The following PCDHA13 variants were observed in gnomAD, a reference collection of about 807,000 sequenced individuals.
The protein encoded by PCDHA13 is protocadherin alpha-13.
A neutral mutation model predicts 64.8 loss-of-function variants in PCDHA13; 54 were observed. The observed-to-expected ratio is 0.83, with a 90% CI of 0.67 to 1.04. The LOEUF is 1.04. Among genes scored for constraint, PCDHA13 ranks in the 50% least tolerant of loss-of-function variants. PCDHA13 has a pLI of 0.00. For missense variants in PCDHA13, 1,248 were observed against 1,254.3 expected, an observed-to-expected ratio of 0.99 and a Z score of 0.08; for synonymous variants, 587 against 564.4, an observed-to-expected ratio of 1.04 and a Z score of -0.57.
In PCDHA13 at chr5:140,982,542, A is replaced by T; in HGVS notation, c.2521A>T (p.Thr841Ser). 6.2e-7 allele frequency: 1 copy of T among 1,614,210 alleles called. No individual in the cohort carries two copies. Among genetic ancestry groups the T allele is most frequent in the Non-Finnish European group, 8.5e-7 (1 of 1,180,042 alleles). The change falls in exon 3 of 4, where the codon ACA becomes TCA. Residue 841 changes from threonine (T) to serine (S), a missense_variant. Transcript: ENST00000289272. ...AGGAGGGCCTGATCAGCAGTGGCCA[A>T]CAGTATCCAGTGCAACACCAGGTAA... is the stretch of plus-strand genomic sequence containing the variant. The part of the protein sequence containing the change: ...GPGGPDQQWP[T>S]VSSATPEPEA...
Position 140,978,948 on chromosome 5 carries a change from G to A in PCDHA13, c.2395-1G>A, listed in dbSNP as rs1554239939. On this transcript the variant is annotated splice_acceptor_variant, in intron 1 of 3. Transcript: ENST00000289272. LOFTEE classifies it high-confidence loss of function. ...AGAAAACTCTCTTTGTGATTTTGCA[G>A]CCACGACAGCCCAACCCTGACTGGC... is the stretch of plus-strand genomic sequence containing the variant. 1 of 1,614,128 alleles carries A rather than the reference G, an allele frequency of 6.2e-7. No individual in the cohort carries two copies. The highest frequency in any genetic ancestry group is 8.5e-7 in the Non-Finnish European group (1 of 1,180,018).
chr5:140,924,665 C>A (rs528625954), intron 1 of PCDHA13, among the ~76,000 whole-genome samples: 3 of 152,050 alleles, frequency 2.0e-5, no homozygotes, highest in Non-Finnish European at 4.4e-5. Flanking sequence ...GAGGCCGAGG[C>A]AGGCCAATCA....
rs1484271840 is a variant in PCDHA13 at position 140,900,260 on chromosome 5, A to G, written c.2394+15598A>G. Among the ~76,000 whole-genome samples the G allele has an allele frequency of 4.0e-5, 6 of 151,898 alleles. No homozygotes were observed. In the South Asian group the frequency reaches 1.0e-3, roughly 26 times the overall value. ...TTTTTTTATGGCTGAATAGTACTCC[A>G]TTGTGTATATGTACCACACTTTCTT... On this transcript the variant is annotated intron_variant, in intron 1 of 3. Coordinates refer to ENST00000289272, the MANE Select transcript of PCDHA13 (RefSeq NM_018904.3).
intron 1 of PCDHA13, among the ~76,000 whole-genome samples, chr5:140,959,469 A>G (rs1180811354): frequency 5.3e-5 from 8 of 152,226 alleles, no homozygotes; most frequent in East Asian, 1.9e-4. Context: ...GTTGGCATCA[A>G]TCAAGGCATA....
At chr5:140,914,248 G>T (rs1228200797) in intron 1 of PCDHA13, among the ~76,000 whole-genome samples, 1 of 151,850 alleles carries the variant, frequency 6.6e-6, no homozygotes, top group Non-Finnish European at 1.5e-5. Flanking sequence ...TTTATATCTG[G>T]GTGCTTCAAT....
At chr5:140,941,224 T>TTTCTTTC in intron 1 of PCDHA13, among the ~76,000 whole-genome samples, 1 of 137,372 alleles carries the variant, frequency 7.3e-6, no homozygotes, top group Non-Finnish European at 1.6e-5. Flanking sequence ...CCTTTCTTTC[T>TTTCTTTC]TTCTTTCTTT....
chr5:140,907,239 C>A (rs1447900433), intron 1 of PCDHA13, among the ~76,000 whole-genome samples: 1 of 152,200 alleles, frequency 6.6e-6, no homozygotes, highest in African/African-American at 2.4e-5. Flanking sequence ...ACCTAGTTGA[C>A]ATTGTAATTG....
chr5:140,897,781 T>G (rs1437567567), intron 1 of PCDHA13, among the ~76,000 whole-genome samples: 1 of 152,172 alleles, frequency 6.6e-6, no homozygotes, highest in East Asian at 1.9e-4. Flanking sequence ...TCCACAATGG[T>G]TGAACTAGTT....
chr5:140,900,276 A>G (rs1228583402), intron 1 of PCDHA13, among the ~76,000 whole-genome samples: 1 of 151,558 alleles, frequency 6.6e-6, no homozygotes, highest in Non-Finnish European at 1.5e-5. Context: ...TATATGTACC[A>G]CACTTTCTTT....
chr5:140,968,643 A>G (rs2096261293), intron 1 of PCDHA13: 1 of 1,614,198 alleles, frequency 6.2e-7, no homozygotes. Context: ...CATCTAGCCC[A>G]GACTTCTGAC....
In PCDHA13 at chr5:140,883,147, T is replaced by C; in HGVS notation, c.879T>C (p.Phe293=). ...TATGGCCTGCAGTGGTATATGCATT[T>C]ACCATAAATCCGAACAATGGAGAAA... The part of the protein sequence containing the change: ...RPVWPAVVYA[F]TINPNNGEIR... The change falls in exon 1 of 4, where the codon TTT becomes TTC. Residue 293 remains phenylalanine (F), a synonymous_variant. Coordinates refer to ENST00000289272, the MANE Select transcript of PCDHA13 (RefSeq NM_018904.3). 2 of 1,614,064 alleles carry C rather than the reference T, an allele frequency of 1.2e-6. No individual in the cohort carries two copies. The highest frequency in any genetic ancestry group is 1.7e-6 in the Non-Finnish European group (2 of 1,180,034).
intron 1 of PCDHA13, among the ~76,000 whole-genome samples, chr5:140,919,974 TAG>T (rs2153555647): frequency 7.5e-6 from 1 of 134,116 alleles, no homozygotes; most frequent in African/African-American, 2.6e-5. Context: ...AAATAAGAGA[TAG>T]AAGATGGAAA....
chr5:140,982,784 C>T (rs568886944), intron 3 of PCDHA13, among the ~76,000 whole-genome samples: 9 of 151,444 alleles, frequency 5.9e-5, no homozygotes, highest in South Asian at 2.1e-4. Flanking sequence ...TGTGTGTGCA[C>T]GCATGTGTGC....
At chr5:140,885,581 G>A (rs984552337) in intron 1 of PCDHA13, among the ~76,000 whole-genome samples, 5 of 152,098 alleles carry the variant, frequency 3.3e-5, no homozygotes, top group African/African-American at 1.2e-4. Flanking sequence ...ATGTGGAATT[G>A]ATGCATCAAA....
chr5:141,010,188 T>G lies in PCDHA13; in HGVS notation c.*251T>G. 6.4e-7 allele frequency: 1 copy of G among 1,553,070 alleles called. No individual in the cohort carries two copies. On this transcript the variant is annotated 3_prime_UTR_variant, in exon 4 of 4. Coordinates refer to ENST00000289272, the MANE Select transcript of PCDHA13 (RefSeq NM_018904.3). ...CAGAACCTAAAAAGCAGACCCAAGT[T>G]TCCTTTCTCCTCCGCCGCAAAGGAG...
chr5:140,999,372 G>A (rs1029178969), intron 3 of PCDHA13, among the ~76,000 whole-genome samples: 3 of 152,188 alleles, frequency 2.0e-5, no homozygotes, highest in Non-Finnish European at 1.5e-5. Context: ...AATCCCATTA[G>A]ATGGTTATTG....
intron 1 of PCDHA13, among the ~76,000 whole-genome samples, chr5:140,959,018 A>T (rs1374346226): frequency 6.6e-6 from 1 of 152,078 alleles, no homozygotes; most frequent in Non-Finnish European, 1.5e-5. Flanking sequence ...TTTATACATT[A>T]AGCTTTATCA....
chr5:140,961,564 T>A (rs2095622037), intron 1 of PCDHA13, among the ~76,000 whole-genome samples: 1 of 152,208 alleles, frequency 6.6e-6, no homozygotes, highest in African/African-American at 2.4e-5. Flanking sequence ...TTTTAAATTT[T>A]GTTTTGATAA....
At chr5:140,913,122 C>A (rs2076217505) in intron 1 of PCDHA13, among the ~76,000 whole-genome samples, 1 of 152,158 alleles carries the variant, frequency 6.6e-6, no homozygotes, top group African/African-American at 2.4e-5. Context: ...TGGAAGTTAA[C>A]CCCTCCTCTA....
Sources: gnomAD v4.1 joint callset for allele counts (sites outside exome capture counted in the v4.1 genomes callset) on GRCh38, gnomAD v4.1.1 for gene constraint, MANE v1.5 for transcripts, NCBI Gene and HGNC (gene_info 2026-07-23, HGNC 2026-07-21) for gene names.